The following CBX6 variants were observed in gnomAD, a reference collection of about 807,000 sequenced individuals.
CBX6 encodes the protein chromobox 6.
CBX6 carries 7 observed loss-of-function variants against 28.4 expected under a neutral mutation model. That is an observed-to-expected ratio of 0.25 (90% CI 0.14 to 0.46). CBX6 has a LOEUF of 0.46. Among genes scored for constraint, CBX6 ranks in the 20% least tolerant of loss-of-function variants. The probability of loss-of-function intolerance (pLI) is 0.99; values close to 1 mark genes in which losing one functional copy is unlikely to be tolerated. For synonymous variants in CBX6, 297 were observed against 273.4 expected, an observed-to-expected ratio of 1.09 and a Z score of -0.85; for missense variants, 512 against 606.1, an observed-to-expected ratio of 0.84 and a Z score of 1.63.
Position 38,864,247 on chromosome 22 carries a change from TTTTG to T in CBX6, c.*1958_*1961del, listed in dbSNP as rs1374164518. On this transcript the variant is annotated 3_prime_UTR_variant, in exon 5 of 5. Coordinates refer to ENST00000407418, the MANE Select transcript of CBX6 (RefSeq NM_014292.5). ...TCTTTTTTTTTTCCTCTTTTTTTGT[TTTTG>T]TTTTTTTGCAAAACTAATTCTTTCA... The T allele has an allele frequency of 2.0e-5, 3 of 152,148 alleles. No individual in the cohort carries two copies. Among genetic ancestry groups the T allele is most frequent in the African/African-American group, 7.2e-5 (3 of 41,438 alleles). 9.4% of individuals were successfully genotyped at this position (152,148 alleles called of 1,614,324 possible). A position where few individuals can be genotyped will look rare whatever the true frequency, so the allele number is the denominator to read the frequency against.
Position 38,871,326 on chromosome 22 carries a change from G to C in CBX6, c.246+154C>G, listed in dbSNP as rs1488704627. 1.4e-6 allele frequency: 1 copy of C among 698,146 alleles called. No individual in the cohort carries two copies. The highest frequency in any genetic ancestry group is 2.5e-6 in the Non-Finnish European group (1 of 400,888). 43.2% of individuals were successfully genotyped at this position (698,146 alleles called of 1,614,324 possible). A position where few individuals can be genotyped will look rare whatever the true frequency, so the allele number is the denominator to read the frequency against. ...TGAGGCCTGCCATCAGGGGCTTCTGGGGGGGCTCACAACCACCCCCTGCCC... is the reference window on the plus strand; with the variant it reads ...TGAGGCCTGCCATCAGGGGCTTCTGCGGGGGCTCACAACCACCCCCTGCCC... On this transcript the variant is annotated intron_variant, in intron 4 of 4. Coordinates refer to ENST00000407418, the MANE Select transcript of CBX6 (RefSeq NM_014292.5). This position sits in a 1 kb window ranked among gnomAD's most constrained non-coding sequence, Gnocchi z 5.6.
Position 38,866,646 on chromosome 22 carries a change from AG to A in CBX6, c.801del (p.Tyr268ThrfsTer33). The A allele has an allele frequency of 8.6e-7, 1 of 1,159,658 alleles. No homozygotes were observed. Among genetic ancestry groups the A allele is most frequent in the Admixed American group, 3.1e-5 (1 of 31,992 alleles). 71.8% of individuals were successfully genotyped at this position (1,159,658 alleles called of 1,614,324 possible). ...PGLLLAAPAA[P>X]YDARSSGSSG... ...GAGGAGCCAGAGCTGCGGGCGTCGT[AG>A]GGGGCGGCGGGGGCGGCCAGAAGTA... On this transcript the variant is annotated frameshift_variant, in exon 5 of 5. Coordinates refer to ENST00000407418, the MANE Select transcript of CBX6 (RefSeq NM_014292.5). LOFTEE classifies it high-confidence loss of function. The surrounding 1 kb of genome is among the most constrained non-coding windows in gnomAD (Gnocchi z 7.5).
At position 38,871,236 on chromosome 22, in the gene CBX6, C is replaced by A. The variant is rs1001046923; in HGVS notation, c.246+244G>T. On this transcript the variant is annotated intron_variant, in intron 4 of 4. Transcript: ENST00000407418. This position sits in a 1 kb window ranked among gnomAD's most constrained non-coding sequence, Gnocchi z 5.6. ...CCTGGAGCCCTAAAGGCATCCCCAG[C>A]CCCTGGTTTCAACAGGGAGGATTAT... The A allele has an allele frequency of 1.0e-5, 6 of 588,932 alleles. No homozygotes were observed. Among genetic ancestry groups the A allele is most frequent in the African/African-American group, 7.6e-5 (4 of 52,722 alleles). The allele number at this position is 588,932 out of a possible 1,614,324, so 36.5% of individuals were successfully genotyped here.
chr22:38,872,019 G>A lies in CBX6; in HGVS notation c.70-74C>T, dbSNP rs1267911428. On this transcript the variant is annotated intron_variant, in intron 1 of 4. Transcript: ENST00000407418. This position sits in a 1 kb window ranked among gnomAD's most constrained non-coding sequence, Gnocchi z 5.0. The stretch of plus-strand genomic sequence containing the variant: ...GGGACGCGAGGAGGCGGCGGCGCGG[G>A]GCTGGGCGAGGGAGCCGGGCTAGCG... 5.7e-6 allele frequency: 8 copies of A among 1,405,092 alleles called. No individual in the cohort carries two copies. The highest frequency in any genetic ancestry group is 7.5e-6 in the Non-Finnish European group (8 of 1,065,584). 87.0% of individuals were successfully genotyped at this position (1,405,092 alleles called of 1,614,324 possible).
chr22:38,868,725 C>T (rs73419431), intron 4 of CBX6, among the ~76,000 whole-genome samples: 22,450 of 152,036 alleles, frequency 0.15, 5,222 homozygotes, highest in African/African-American at 0.5. Context: ...CATGTCCCCA[C>T]GGTTGGTCTG....
intron 4 of CBX6, among the ~76,000 whole-genome samples, chr22:38,867,976 C>T (rs192140915): frequency 6.6e-6 from 1 of 152,328 alleles, no homozygotes; most frequent in African/African-American, 2.4e-5. Flanking sequence ...TGGTCTGGGG[C>T]AGGATGATGG....
At chr22:38,867,754 C>T (rs1189144304) in intron 4 of CBX6, among the ~76,000 whole-genome samples, 1 of 152,232 alleles carries the variant, frequency 6.6e-6, no homozygotes, top group Non-Finnish European at 1.5e-5. Context: ...GGCTGACCTC[C>T]GGCTCCAGCC....
rs1383312433 is a variant in CBX6 at position 38,867,082 on chromosome 22, G to A, written c.366C>T (p.Asp122=). ...GGGACATACGGTGGCAGCGGCGGAT[G>A]TCCTTCTTGAGCCGGTGCACGGCTG... ...SSAAVHRLKK[D]IRRCHRMSRR... Residue 122 remains aspartate (D), a synonymous_variant, in exon 5 of 5, where the codon GAC becomes GAT. Transcript: ENST00000407418. The A allele has an allele frequency of 6.2e-7, 1 of 1,601,354 alleles. No individual in the cohort carries two copies. Among genetic ancestry groups the A allele is most frequent in the African/African-American group, 1.3e-5 (1 of 74,630 alleles).
In CBX6 at chr22:38,871,378, C is replaced by T; in HGVS notation, c.246+102G>A. On this transcript the variant is annotated intron_variant, in intron 4 of 4. Coordinates refer to ENST00000407418, the MANE Select transcript of CBX6 (RefSeq NM_014292.5). This position sits in a 1 kb window ranked among gnomAD's most constrained non-coding sequence, Gnocchi z 5.6. Reference sequence around the variant, plus strand: ...GCTGGGGCCCCTCTGAAAAGGCCGGCCCGCTTGGGCGGCCGCGTATCTGTC... The same window carrying T: ...GCTGGGGCCCCTCTGAAAAGGCCGGTCCGCTTGGGCGGCCGCGTATCTGTC... 1 of 1,250,576 alleles carries T rather than the reference C, an allele frequency of 8.0e-7. No individual in the cohort carries two copies. The highest frequency in any genetic ancestry group is 1.1e-6 in the Non-Finnish European group (1 of 894,118). The allele number at this position is 1,250,576 out of a possible 1,614,324, so 77.5% of individuals were successfully genotyped here. A position where few individuals can be genotyped will look rare whatever the true frequency, so the allele number is the denominator to read the frequency against.
chr22:38,868,215 T>C (rs1023866144), intron 4 of CBX6, among the ~76,000 whole-genome samples: 9 of 152,236 alleles, frequency 5.9e-5, no homozygotes, highest in African/African-American at 2.2e-4. Flanking sequence ...AGGAAGGTAC[T>C]GAGGCACCAG....
rs894914630 is a variant in CBX6 at position 38,871,272 on chromosome 22, A to C, written c.246+208T>G. 7.7e-6 allele frequency: 5 copies of C among 648,430 alleles called. No individual in the cohort carries two copies. Among genetic ancestry groups the C allele is most frequent in the African/African-American group, 1.8e-5 (1 of 54,734 alleles). The allele number at this position is 648,430 out of a possible 1,614,324, so 40.2% of individuals were successfully genotyped here. ...AACAGGGAGGATTATCCCCAGTCCC[A>C]AAACCCTCTTGTTGAAGCTGATGCT... On this transcript the variant is annotated intron_variant, in intron 4 of 4. Coordinates refer to ENST00000407418, the MANE Select transcript of CBX6 (RefSeq NM_014292.5). This position sits in a 1 kb window ranked among gnomAD's most constrained non-coding sequence, Gnocchi z 5.6.
In CBX6 at chr22:38,862,958, C is replaced by T. The variant is rs886349082; in HGVS notation, c.*3251G>A. 1.2e-4 allele frequency: 19 copies of T among 152,404 alleles called. No homozygotes were observed. The highest frequency in any genetic ancestry group is 1.1e-3 in the Admixed American group (17 of 15,314). 9.4% of individuals were successfully genotyped at this position (152,404 alleles called of 1,614,324 possible). ...GGGGCCATCCCCCCAACTCTGTCCA[C>T]CTCACACTGAAGTTGGGGACTTGAT... is the stretch of plus-strand genomic sequence containing the variant. On this transcript the variant is annotated 3_prime_UTR_variant, in exon 5 of 5. Transcript: ENST00000407418.
chr22:38,871,837 C>T lies in CBX6; in HGVS notation c.113+65G>A. The stretch of plus-strand genomic sequence containing the variant: ...GCGGCGAGAGCAAGAGCGCGCACCC[C>T]CACCCCAGGCCCCGGTGCCCGCTGC... On this transcript the variant is annotated intron_variant, in intron 2 of 4. Coordinates refer to ENST00000407418, the MANE Select transcript of CBX6 (RefSeq NM_014292.5). This position sits in a 1 kb window ranked among gnomAD's most constrained non-coding sequence, Gnocchi z 5.6. 5.1e-6 allele frequency: 8 copies of T among 1,564,786 alleles called. No homozygotes were observed. The highest frequency in any genetic ancestry group is 6.9e-6 in the Non-Finnish European group (8 of 1,152,092).
At position 38,866,939 on chromosome 22, in the gene CBX6, T is replaced by C; in HGVS notation, c.509A>G (p.Lys170Arg). The C allele has an allele frequency of 3.7e-6, 6 of 1,608,432 alleles. No homozygotes were observed. Among genetic ancestry groups the C allele is most frequent in the African/African-American group, 1.3e-5 (1 of 74,862 alleles). Residue 170 changes from lysine (K) to arginine (R), a missense_variant, in exon 5 of 5, where the codon AAG becomes AGG. Physicochemically the swap from Lys to Arg is conservative, Grantham distance 26 (BLOSUM62 2). Around this residue, in one of 7 missense-constraint regions of CBX6, gnomAD observed 9 missense variants for 26.6 expected, o/e 0.34. Transcript: ENST00000407418. The surrounding 1 kb of genome is among the most constrained non-coding windows in gnomAD (Gnocchi z 7.5). ...INRKVKPREP[K>R]RNRIILNLKV... ...CAGGTTCAGGATGATGCGGTTCCGC[T>C]TGGGCTCCCGCGGCTTCACCTTGCG... is the stretch of plus-strand genomic sequence containing the variant.
At position 38,865,314 on chromosome 22, in the gene CBX6, C is replaced by T. The variant is rs914103548; in HGVS notation, c.*895G>A. The T allele has an allele frequency of 6.6e-6, 1 of 152,528 alleles. No individual in the cohort carries two copies. The highest frequency in any genetic ancestry group is 2.4e-5 in the African/African-American group (1 of 41,470). 9.4% of individuals were successfully genotyped at this position (152,528 alleles called of 1,614,324 possible). ...GTGACTTCCACAGCAAACCTCCAGA[C>T]CCAAGCCTGGTCCCCAGGCCTACTG... is the stretch of plus-strand genomic sequence containing the variant. On this transcript the variant is annotated 3_prime_UTR_variant, in exon 5 of 5. Transcript: ENST00000407418.
At position 38,866,876 on chromosome 22, in the gene CBX6, C is replaced by A; in HGVS notation, c.572G>T (p.Gly191Val). The change falls in exon 5 of 5, where the codon GGG (glycine) becomes GTG (valine). Residue 191 changes from glycine (G) to valine (V), a missense_variant. Around this residue, in one of 7 missense-constraint regions of CBX6, gnomAD observed 290 missense variants for 274.1 expected, o/e 1.06. Transcript: ENST00000407418. The surrounding 1 kb of genome is among the most constrained non-coding windows in gnomAD (Gnocchi z 7.5). Reference protein sequence around the residue: ...IDKGAGGGGAGQGAGALARPK... With the variant: ...IDKGAGGGGAVQGAGALARPK... ...GCGGGCCAGCGCCCCGGCCCCCTGC[C>A]CGGCGCCCCCGCCGCCAGCGCCCTT... 6.3e-7 allele frequency: 1 copy of A among 1,599,478 alleles called. No homozygotes were observed. Among genetic ancestry groups the A allele is most frequent in the Non-Finnish European group, 8.5e-7 (1 of 1,174,450 alleles).
Position 38,872,205 on chromosome 22 carries a change from C to G in CBX6, c.-15G>C, listed in dbSNP as rs764098190. 2.2e-6 allele frequency: 3 copies of G among 1,381,562 alleles called. No individual in the cohort carries two copies. In the Admixed American group the frequency reaches 7.2e-5, roughly 33 times the overall value. The allele number at this position is 1,381,562 out of a possible 1,614,324, so 85.6% of individuals were successfully genotyped here. ...GACAGCTCCATCTTGCTCAGCGGCA[C>G]CCACAGCCCATAATACTCCCTGCGC... On this transcript the variant is annotated 5_prime_UTR_variant, in exon 1 of 5. Coordinates refer to ENST00000407418, the MANE Select transcript of CBX6 (RefSeq NM_014292.5). This position sits in a 1 kb window ranked among gnomAD's most constrained non-coding sequence, Gnocchi z 5.0.
chr22:38,871,846 G>A lies in CBX6; in HGVS notation c.113+56C>T, dbSNP rs1376433068. On this transcript the variant is annotated intron_variant, in intron 2 of 4. Transcript: ENST00000407418. The surrounding 1 kb of genome is among the most constrained non-coding windows in gnomAD (Gnocchi z 5.6). ...GCAAGAGCGCGCACCCCCACCCCAG[G>A]CCCCGGTGCCCGCTGCCTCCCCTCC... The A allele has an allele frequency of 3.9e-6, 6 of 1,553,506 alleles. No individual in the cohort carries two copies. The highest frequency in any genetic ancestry group is 1.2e-5 in the South Asian group (1 of 84,394).
chr22:38,867,041 C>A lies in CBX6; in HGVS notation c.407G>T (p.Arg136Leu), dbSNP rs767727649. 2 of 1,605,196 alleles carry A rather than the reference C, an allele frequency of 1.2e-6. No individual in the cohort carries two copies. The highest frequency in any genetic ancestry group is 2.2e-5 in the East Asian group (1 of 44,680). ...CHRMSRRPLP[R>L]PDPQGGSPGL... ...GGGGCTGCCCCCCTGCGGGTCCGGG[C>A]GGGGCAGGGGACGGCGGGACATACG... The change falls in exon 5 of 5, where the codon CGC (arginine) becomes CTC (leucine). Residue 136 changes from arginine (R) to leucine (L), a missense_variant. Coordinates refer to ENST00000407418, the MANE Select transcript of CBX6 (RefSeq NM_014292.5).
Sources: gnomAD v4.1 joint callset for allele counts (sites outside exome capture counted in the v4.1 genomes callset) on GRCh38, gnomAD v4.1.1 for gene constraint, gnomAD v4.1.1 regional missense constraint, Gnocchi (gnomAD v3.1) non-coding constraint, MANE v1.5 for transcripts, NCBI Gene and HGNC (gene_info 2026-07-23, HGNC 2026-07-21) for gene names.